GNA14: variants seen among roughly 807,000 people sequenced by gnomAD.
GNA14 encodes the protein G protein subunit alpha 14.
Under a neutral mutation model 42.0 loss-of-function variants are expected in GNA14, and 50 were observed. That is an observed-to-expected ratio of 1.19 (90% CI 0.95 to 1.51). The LOEUF is 1.51. GNA14 is among the 40% of genes most tolerant of loss of function. GNA14 has a pLI of 0.00. For missense variants in GNA14, 473 were observed against 446.2 expected (o/e 1.06, Z -0.54); for synonymous variants, 173 against 163.1 (o/e 1.06, Z -0.46).
chr9:77,637,765 G>A (rs1824205768), intron 1 of GNA14, among the ~76,000 whole-genome samples: 1 of 152,154 alleles, frequency 6.6e-6, no homozygotes, highest in Non-Finnish European at 1.5e-5. Flanking sequence ...GAGGTGGAAG[G>A]ATTGCTTGAG....
At chr9:77,541,087 T>C (rs747858908) in intron 1 of GNA14, among the ~76,000 whole-genome samples, 33 of 152,118 alleles carry the variant, frequency 2.2e-4, no homozygotes, top group Non-Finnish European at 4.3e-4. Context: ...ACTTGAGTCC[T>C]TTCTCTTCCT....
At chr9:77,627,860 C>G (rs1351189309) in intron 1 of GNA14, among the ~76,000 whole-genome samples, 2 of 152,130 alleles carry the variant, frequency 1.3e-5, no homozygotes, top group African/African-American at 4.8e-5. Context: ...CTCACCACCC[C>G]TATTCAACAT....
chr9:77,510,483 C>T (rs930062954), intron 2 of GNA14, among the ~76,000 whole-genome samples: 4 of 152,126 alleles, frequency 2.6e-5, no homozygotes, highest in South Asian at 2.1e-4. Context: ...TAAAGGCACC[C>T]GCCACCATGC....
intron 2 of GNA14, among the ~76,000 whole-genome samples, chr9:77,454,061 CG>C (rs370928263): frequency 6.6e-6 from 1 of 152,222 alleles, no homozygotes. Context: ...TCGCCCGCTC[CG>C]TGCAGCATCC....
intron 2 of GNA14, among the ~76,000 whole-genome samples, chr9:77,473,341 CA>C (rs1177461348): frequency 1.3e-5 from 2 of 152,198 alleles, no homozygotes; most frequent in African/African-American, 4.8e-5. Flanking sequence ...CCTGTAGTCC[CA>C]GCTACTTGGG....
chr9:77,509,077 G>C (rs1587807549), intron 2 of GNA14, among the ~76,000 whole-genome samples: 1 of 152,054 alleles, frequency 6.6e-6, no homozygotes, highest in East Asian at 1.9e-4. Context: ...CTGAAACTCT[G>C]TACTCATTTG....
intron 2 of GNA14, among the ~76,000 whole-genome samples, chr9:77,501,925 G>T (rs1159402403): frequency 6.6e-6 from 1 of 151,744 alleles, no homozygotes; most frequent in African/African-American, 2.4e-5. Context: ...TGGCCAGGAT[G>T]GTCGATCTCT....
chr9:77,469,163 A>G (rs184943307), intron 2 of GNA14, among the ~76,000 whole-genome samples: 2 of 152,092 alleles, frequency 1.3e-5, no homozygotes, highest in East Asian at 1.9e-4. Context: ...TCTCACCCCC[A>G]TAAGTACTAT....
At chr9:77,459,324 GGGATTGTCTTACT>G (rs1198935371) in intron 2 of GNA14, among the ~76,000 whole-genome samples, 1 of 152,156 alleles carries the variant, frequency 6.6e-6, no homozygotes, top group Non-Finnish European at 1.5e-5. Context: ...AAGGAGCAGG[GGGATTGTCTTACT>G]GTAAGATTGC....
At chr9:77,488,634 T>G (rs2131734006) in intron 2 of GNA14, among the ~76,000 whole-genome samples, 1 of 151,908 alleles carries the variant, frequency 6.6e-6, no homozygotes, top group South Asian at 2.1e-4. Context: ...CCTCACCCAT[T>G]CAGATGGGCA....
intron 2 of GNA14, among the ~76,000 whole-genome samples, chr9:77,493,733 G>T (rs1381489720): frequency 6.6e-6 from 1 of 151,960 alleles, no homozygotes; most frequent in African/African-American, 2.4e-5. Context: ...AAAGCTCTTT[G>T]GGTTATTATT....
intron 1 of GNA14, among the ~76,000 whole-genome samples, chr9:77,613,732 C>G (rs943421407): frequency 6.6e-6 from 1 of 152,178 alleles, no homozygotes; most frequent in African/African-American, 2.4e-5. Flanking sequence ...TAAAAAGACT[C>G]ATTTATTCAT....
chr9:77,429,618 A>C (rs1835511115), intron 4 of GNA14, among the ~76,000 whole-genome samples: 1 of 152,212 alleles, frequency 6.6e-6, no homozygotes, highest in Admixed American at 6.5e-5. Context: ...CCCAGGGATC[A>C]TGAGCTCAAA....
chr9:77,472,277 G>A (rs970406308), intron 2 of GNA14, among the ~76,000 whole-genome samples: 1 of 152,154 alleles, frequency 6.6e-6, no homozygotes, highest in Non-Finnish European at 1.5e-5. Context: ...AGGGGAAGGT[G>A]TATTAAGCGG....
intron 2 of GNA14, among the ~76,000 whole-genome samples, chr9:77,472,385 C>G (rs1253377317): frequency 6.6e-6 from 1 of 152,150 alleles, no homozygotes; most frequent in South Asian, 2.1e-4. Context: ...TTTCTGAGCC[C>G]TCATCTTCCA....
chr9:77,602,341 C>T (rs1823580080), intron 1 of GNA14, among the ~76,000 whole-genome samples: 1 of 152,180 alleles, frequency 6.6e-6, no homozygotes, highest in South Asian at 2.1e-4. Context: ...CCAAGACGAA[C>T]AAAACAAATA....
At chr9:77,430,982 G>A (rs917610876) in intron 4 of GNA14, among the ~76,000 whole-genome samples, 1 of 147,604 alleles carries the variant, frequency 6.8e-6, no homozygotes, top group Non-Finnish European at 1.5e-5. Context: ...AAAAGACATC[G>A]ATAATCACTA....
intron 1 of GNA14, among the ~76,000 whole-genome samples, chr9:77,545,780 T>G (rs562807944): frequency 2.6e-5 from 4 of 152,324 alleles, no homozygotes; most frequent in African/African-American, 9.6e-5. Flanking sequence ...CTTCTCCCTG[T>G]TACTACTATA....
intron 2 of GNA14, among the ~76,000 whole-genome samples, chr9:77,510,071 T>C (rs1837135423): frequency 6.6e-6 from 1 of 152,206 alleles, no homozygotes; most frequent in African/African-American, 2.4e-5. Context: ...TTTAGAGCAT[T>C]TTCAATCATC....
Sources: allele counts gnomAD v4.1 joint callset (sites outside exome capture counted in the v4.1 genomes callset), GRCh38; gene constraint gnomAD v4.1.1; transcripts MANE v1.5; gene names NCBI Gene and HGNC (gene_info 2026-07-23, HGNC 2026-07-21).